Variants in KLHL1 observed in about 807,000 individuals in gnomAD.
KLHL1 encodes kelch like family member 1.
KLHL1 carries 47 observed loss-of-function variants against 77.7 expected under a neutral mutation model. That is an observed-to-expected ratio of 0.60 (90% CI 0.48 to 0.77). KLHL1 has a LOEUF of 0.77. KLHL1 is among the 30% of genes least tolerant of loss of function. The pLI is 0.00. For synonymous variants in KLHL1, 360 were observed against 325.2 expected, an observed-to-expected ratio of 1.11 and a Z score of -1.15; for missense variants, 925 against 910.8, an observed-to-expected ratio of 1.02 and a Z score of -0.20.
At chr13:69,979,538 T>A (rs1182381606) in intron 1 of KLHL1, among the ~76,000 whole-genome samples, 3 of 152,174 alleles carry the variant, frequency 2.0e-5, no homozygotes, top group Non-Finnish European at 2.9e-5. Flanking sequence ...AAATTTACAT[T>A]ATGTATTTAT....
intron 1 of KLHL1, among the ~76,000 whole-genome samples, chr13:69,976,756 C>T (rs1405885708): frequency 1.3e-5 from 2 of 152,038 alleles, no homozygotes; most frequent in Non-Finnish European, 2.9e-5. Context: ...TCCCTCTCCA[C>T]GAAAACCACA....
At chr13:70,031,969 T>C (rs1469656420) in intron 1 of KLHL1, among the ~76,000 whole-genome samples, 1 of 152,014 alleles carries the variant, frequency 6.6e-6, no homozygotes, top group East Asian at 1.9e-4. Context: ...AGAAAGAATA[T>C]GATATTTAGG....
intron 1 of KLHL1, among the ~76,000 whole-genome samples, chr13:69,997,473 C>T (rs901455743): frequency 6.6e-6 from 1 of 151,136 alleles, no homozygotes; most frequent in Non-Finnish European, 1.5e-5. Flanking sequence ...TTTTCTCTCC[C>T]TTCTAGCCAC....
intron 10 of KLHL1, 132 bp from the exon 11 acceptor site, chr13:69,701,893 C>T (rs1029606757): frequency 1.2e-5 from 7 of 580,126 alleles, no homozygotes; most frequent in South Asian, 1.2e-4. Flanking sequence ...AGAAGTAGTA[C>T]AGTAAAAATG....
At chr13:69,857,910 C>A (rs950618873) in intron 5 of KLHL1, among the ~76,000 whole-genome samples, 1 of 151,570 alleles carries the variant, frequency 6.6e-6, no homozygotes. Flanking sequence ...CTGGGTAATT[C>A]CTGGTGCCAC....
intron 3 of KLHL1, among the ~76,000 whole-genome samples, chr13:69,941,299 C>T (rs900308105): frequency 6.6e-6 from 1 of 151,896 alleles, no homozygotes; most frequent in African/African-American, 2.4e-5. Flanking sequence ...CAAAAGGAAA[C>T]CTCAAAACTA....
At position 69,826,349 on chromosome 13, in the gene KLHL1, C is replaced by T. The variant is rs769371800; in HGVS notation, c.1414+12627G>A. Among the ~76,000 whole-genome samples the T allele has an allele frequency of 2.6e-4, 39 of 152,274 alleles. 1 individual carries two copies. The highest frequency in any genetic ancestry group is 3.4e-3 in the Middle Eastern group (1 of 294). Reference sequence around the variant, plus strand: ...CCTGTAATCCCGGCACTTTGGGAGGCCAAGGCAGGCAGATCACTTGATGTC... The same window carrying T: ...CCTGTAATCCCGGCACTTTGGGAGGTCAAGGCAGGCAGATCACTTGATGTC... On this transcript the variant is annotated intron_variant, in intron 6 of 10. Transcript: ENST00000377844.
chr13:69,840,698 ATATG>A lies in KLHL1; in HGVS notation c.1228-1540_1228-1537del, dbSNP rs200339697. On this transcript the variant is annotated intron_variant, in intron 5 of 10. Transcript: ENST00000377844. ...GAACATTAACTTTATATATATATAT[ATATG>A]TATGTATGTATGTATGTATGTATGT... 3.8e-3 allele frequency among the ~76,000 whole-genome samples: 549 copies of A among 146,326 alleles called. 2 individuals carry two copies. Among genetic ancestry groups the A allele is most frequent in the South Asian group, 0.011 (51 of 4,690 alleles).
chr13:69,791,628 C>A (rs1593836338), intron 7 of KLHL1, among the ~76,000 whole-genome samples: 3 of 151,758 alleles, frequency 2.0e-5, no homozygotes, highest in Admixed American at 2.0e-4. Flanking sequence ...AAAAATAAAC[C>A]CTCACAGTTA....
At chr13:69,906,667 A>C (rs1202585110) in intron 4 of KLHL1, among the ~76,000 whole-genome samples, 1 of 151,728 alleles carries the variant, frequency 6.6e-6, no homozygotes, top group Admixed American at 6.6e-5. Context: ...TTAAAGCTTC[A>C]TTCTTTCAGG....
intron 5 of KLHL1, among the ~76,000 whole-genome samples, chr13:69,881,385 A>G (rs1327049020): frequency 6.6e-6 from 1 of 152,170 alleles, no homozygotes; most frequent in African/African-American, 2.4e-5. Context: ...CATATGGATT[A>G]GTAAAAATGT....
At chr13:70,077,423 TA>T (rs895094900) in intron 1 of KLHL1, among the ~76,000 whole-genome samples, 2 of 151,230 alleles carry the variant, frequency 1.3e-5, no homozygotes, top group East Asian at 1.9e-4. Flanking sequence ...CTACAGAGAT[TA>T]AAAAAAAATT....
intron 8 of KLHL1, among the ~76,000 whole-genome samples, chr13:69,733,578 A>T (rs1033683814): frequency 1.3e-5 from 2 of 152,240 alleles, no homozygotes; most frequent in African/African-American, 2.4e-5. Context: ...TCAACAGAAG[A>T]TATACAAATG....
chr13:69,965,797 G>A (rs11618596), intron 2 of KLHL1, among the ~76,000 whole-genome samples: 26,753 of 152,122 alleles, frequency 0.18, 2,801 homozygotes, highest in African/African-American at 0.28. Flanking sequence ...AATGGAGAAA[G>A]TGAGTGGTCT....
intron 3 of KLHL1, among the ~76,000 whole-genome samples, chr13:69,952,442 C>T (rs1207445468): frequency 6.6e-6 from 1 of 151,344 alleles, no homozygotes; most frequent in Non-Finnish European, 1.5e-5. Context: ...TCTCCTCTCA[C>T]CACACCTAAA....
At chr13:70,098,227 G>C (rs187831066) in intron 1 of KLHL1, among the ~76,000 whole-genome samples, 1 of 149,702 alleles carries the variant, frequency 6.7e-6, no homozygotes, top group Non-Finnish European at 1.5e-5. Flanking sequence ...GGTGAGGTAA[G>C]TAAGGCTGAC....
intron 1 of KLHL1, among the ~76,000 whole-genome samples, chr13:70,012,503 C>T (rs1454495882): frequency 6.6e-6 from 1 of 151,766 alleles, no homozygotes; most frequent in Non-Finnish European, 1.5e-5. Context: ...TTTAAGGGGG[C>T]TTGTTTGGCA....
intron 7 of KLHL1, among the ~76,000 whole-genome samples, chr13:69,774,075 A>G (rs1029224366): frequency 6.6e-6 from 1 of 151,970 alleles, no homozygotes; most frequent in South Asian, 2.1e-4. Context: ...GTTTGTACCA[A>G]GTGACGAAAA....
At chr13:69,899,206 C>T (rs989494420) in intron 4 of KLHL1, among the ~76,000 whole-genome samples, 4 of 152,114 alleles carry the variant, frequency 2.6e-5, no homozygotes, top group Non-Finnish European at 5.9e-5. Flanking sequence ...CGATTTGTTG[C>T]ATGGCTCTTC....
Sources: allele counts gnomAD v4.1 joint callset (sites outside exome capture counted in the v4.1 genomes callset), GRCh38; gene constraint gnomAD v4.1.1; transcripts MANE v1.5; gene names NCBI Gene and HGNC (gene_info 2026-07-23, HGNC 2026-07-21).